STRA8: variants seen among roughly 807,000 people sequenced by gnomAD.
The protein encoded by STRA8 is stimulated by retinoic acid gene 8 protein homolog.
Under a neutral mutation model 37.1 loss-of-function variants are expected in STRA8, and 18 were observed. The ratio of observed to expected loss-of-function variants is 0.48; its 90% confidence interval spans 0.34 to 0.72. The LOEUF (loss-of-function observed/expected upper bound fraction) is 0.72. Among genes scored for constraint, STRA8 ranks in the 30% least tolerant of loss-of-function variants. STRA8 has a pLI of 0.01. For synonymous variants in STRA8, 168 were observed against 162.9 expected (o/e 1.03, Z -0.24); for missense variants, 357 against 410.4 (o/e 0.87, Z 1.13).
rs1832565957 is a variant in STRA8 at position 135,246,832 on chromosome 7, T to C, written c.879+130T>C. The stretch of plus-strand genomic sequence containing the variant: ...CCTTCTGGCTCCCAAGGTCGGTTTC[T>C]GATTTTCTTTTTTCTCTTTTTTTTT... On this transcript the variant is annotated intron_variant, in intron 6 of 8. Transcript: ENST00000662584. The surrounding 1 kb of genome is among the most constrained non-coding windows in gnomAD (Gnocchi z 5.4). 2.0e-6 allele frequency: 2 copies of C among 1,014,912 alleles called. No individual in the cohort carries two copies. Among genetic ancestry groups the C allele is most frequent in the South Asian group, 3.8e-5 (2 of 52,896 alleles). 62.9% of individuals were successfully genotyped at this position (1,014,912 alleles called of 1,614,324 possible).
At chr7:135,256,426 A>C (rs1832703962) in intron 8 of STRA8, among the ~76,000 whole-genome samples, 1 of 152,214 alleles carries the variant, frequency 6.6e-6, no homozygotes, top group Non-Finnish European at 1.5e-5. Context: ...GACTTTGAGA[A>C]TAGACGAAAA....
At chr7:135,249,533 G>A (rs1426062880) in intron 6 of STRA8, among the ~76,000 whole-genome samples, 1 of 151,398 alleles carries the variant, frequency 6.6e-6, no homozygotes, top group Admixed American at 6.6e-5. Context: ...GCAGTGAGCC[G>A]AGATCACACC....
intron 1 of STRA8, among the ~76,000 whole-genome samples, chr7:135,238,578 G>A (rs532043599): frequency 2.0e-5 from 3 of 152,318 alleles, no homozygotes; most frequent in South Asian, 2.1e-4. Context: ...GGAGGACCCT[G>A]TTATTTTTAT....
Position 135,246,144 on chromosome 7 carries a change from T to TA in STRA8, c.594-272dup. On this transcript the variant is annotated intron_variant, in intron 5 of 8. Coordinates refer to ENST00000662584, the MANE Select transcript of STRA8 (RefSeq NM_001394401.1). This position sits in a 1 kb window ranked among gnomAD's most constrained non-coding sequence, Gnocchi z 5.4. ...TGAGAGCTGAGGCAGCTACGCCTCT[T>TA]ATCTGCTTCTGTCTAACACAGAAGG... 1.9e-6 allele frequency: 1 copy of TA among 516,852 alleles called. No homozygotes were observed. Among genetic ancestry groups the TA allele is most frequent in the South Asian group, 2.3e-5 (1 of 43,562 alleles). The allele number at this position is 516,852 out of a possible 1,614,324, so 32.0% of individuals were successfully genotyped here.
intron 1 of STRA8, among the ~76,000 whole-genome samples, chr7:135,237,180 G>A (rs1403565065): frequency 1.3e-5 from 2 of 152,162 alleles, no homozygotes; most frequent in East Asian, 1.9e-4. Context: ...GTGAGCAGGG[G>A]AGCAAACCAA....
At chr7:135,257,189 G>A (rs577278746) in intron 8 of STRA8, among the ~76,000 whole-genome samples, 1 of 152,328 alleles carries the variant, frequency 6.6e-6, no homozygotes, top group African/African-American at 2.4e-5. Context: ...TCACCCTTGG[G>A]ACCAGGTCCC....
At position 135,240,658 on chromosome 7, in the gene STRA8, C is replaced by A. The variant is rs753234386; in HGVS notation, c.134C>A (p.Ala45Glu). 1.9e-6 allele frequency: 3 copies of A among 1,614,106 alleles called. No individual in the cohort carries two copies. The highest frequency in any genetic ancestry group is 1.7e-6 in the Non-Finnish European group (2 of 1,180,024). The change falls in exon 2 of 9, where the codon GCG becomes GAG. Residue 45 changes from alanine (A) to glutamate (E), a missense_variant. By Grantham distance (107) the Ala-to-Glu change is moderately radical (BLOSUM62 -1). Coordinates refer to ENST00000662584, the MANE Select transcript of STRA8 (RefSeq NM_001394401.1). The stretch of plus-strand genomic sequence containing the variant: ...GCCCGCCACCGAGCCACCCTGGCAG[C>A]GCTCTTCAACAACCTCAGGAAGACA... ...SQARHRATLA[A>E]LFNNLRKTVY...
chr7:135,236,909 T>C (rs996608580), intron 1 of STRA8, among the ~76,000 whole-genome samples: 13 of 152,168 alleles, frequency 8.5e-5, no homozygotes, highest in Non-Finnish European at 1.5e-4. Flanking sequence ...ATCATCTATG[T>C]CTATGCATGG....
intron 3 of STRA8, 135 bp from the exon 4 acceptor site, chr7:135,243,191 G>C: frequency 1.2e-6 from 1 of 803,656 alleles, no homozygotes; most frequent in South Asian, 1.8e-5. Context: ...GGAAAAACTG[G>C]ACCCTGGTCT....
intron 4 of STRA8, 88 bp downstream of exon 4, chr7:135,243,498 C>T (rs1832498805): frequency 4.1e-6 from 5 of 1,234,152 alleles, no homozygotes; most frequent in Non-Finnish European, 3.5e-6. Context: ...CCCTTCCTCT[C>T]CAGCCTGCAG....
chr7:135,243,369 G>A lies in STRA8; in HGVS notation c.312G>A (p.Glu104=). The change falls in exon 4 of 9, where the codon GAG becomes GAA. Residue 104 remains glutamate, a synonymous_variant. Transcript: ENST00000662584. ...LEDGHASSLE[E]VKKEYASMYS... ...ATGGGCATGCAAGCAGCTTAGAGGA[G>A]GTCAAGAAAGAATATGCCAGCATGT... The A allele has an allele frequency of 2.5e-6, 4 of 1,614,158 alleles. No individual in the cohort carries two copies. The highest frequency in any genetic ancestry group is 1.7e-4 in the Middle Eastern group (1 of 6,060).
chr7:135,258,459 G>T lies in STRA8; in HGVS notation c.1107G>T (p.Gln369His), dbSNP rs1444916180. The T allele has an allele frequency of 3.7e-6, 6 of 1,606,744 alleles. No homozygotes were observed. In the East Asian group the frequency reaches 1.3e-4, roughly 36 times the overall value. ...FPVDEEMIML[Q>H]CTETFDDEDL ...TTGATGAAGAGATGATCATGTTGCA[G>T]TGCACAGAGACCTTTGACGATGAAG... Residue 369 changes from glutamine to histidine, a missense_variant, in exon 9 of 9, where the codon CAG (glutamine) becomes CAT (histidine). Coordinates refer to ENST00000662584, the MANE Select transcript of STRA8 (RefSeq NM_001394401.1).
upstream of STRA8, chr7:135,232,114 G>A (rs1254239608): frequency 1.5e-6 from 2 of 1,344,382 alleles, no homozygotes; most frequent in Admixed American, 1.7e-5. Context: ...GTGTGTGGCA[G>A]TGGTTGGGGC....
At chr7:135,248,118 T>C (rs1362896523) in intron 6 of STRA8, among the ~76,000 whole-genome samples, 1 of 152,220 alleles carries the variant, frequency 6.6e-6, no homozygotes, top group Non-Finnish European at 1.5e-5. Context: ...TCCGATTGTC[T>C]CTGACCCTGG....
rs762017564 is a variant in STRA8, at chr7:135,255,147, AGAG to A, written c.991_993del (p.Glu331del). On this transcript the variant is annotated inframe_deletion, in exon 8 of 9. Coordinates refer to ENST00000662584, the MANE Select transcript of STRA8 (RefSeq NM_001394401.1). ...TTGCCAGCTGCAACCCAGAAAACCC[AGAG>A]GAGAAGTTTCAGCTCTATATGCAGA... 9.9e-6 allele frequency: 16 copies of A among 1,613,944 alleles called. No individual in the cohort carries two copies. Among genetic ancestry groups the A allele is most frequent in the Middle Eastern group, 3.3e-4 (2 of 6,084 alleles).
At chr7:135,247,446 A>G (rs1166727214) in intron 6 of STRA8, among the ~76,000 whole-genome samples, 3 of 152,204 alleles carry the variant, frequency 2.0e-5, no homozygotes, top group East Asian at 1.9e-4. Flanking sequence ...TGGCTATGGA[A>G]TGGCAGCTAG....
chr7:135,234,113 A>ATTG (rs1224981700), intron 1 of STRA8, among the ~76,000 whole-genome samples: 1 of 150,948 alleles, frequency 6.6e-6, no homozygotes, highest in Non-Finnish European at 1.5e-5. Flanking sequence ...GATTATTATT[A>ATTG]TTATCATTTT....
chr7:135,258,339 G>A, intron 8 of STRA8, 79 bp from the exon 9 acceptor site: 7 of 1,195,040 alleles, frequency 5.9e-6, no homozygotes, highest in Non-Finnish European at 8.4e-6. Flanking sequence ...GCACACCGGA[G>A]ATGCAGGAGC....
At chr7:135,255,978 T>C (rs990434672) in intron 8 of STRA8, among the ~76,000 whole-genome samples, 1 of 152,248 alleles carries the variant, frequency 6.6e-6, no homozygotes, top group Admixed American at 6.5e-5. Flanking sequence ...TGAAGGATAT[T>C]AATGTCTGCT....
Sources: allele counts gnomAD v4.1 joint callset (sites outside exome capture counted in the v4.1 genomes callset), GRCh38; gene constraint gnomAD v4.1.1; non-coding constraint Gnocchi (gnomAD v3.1); transcripts MANE v1.5; gene names NCBI Gene and HGNC (gene_info 2026-07-23, HGNC 2026-07-21).